The following TMCO4 variants were observed in gnomAD, a reference collection of about 807,000 sequenced individuals.
TMCO4 encodes the protein transmembrane and coiled-coil domains 4.
In TMCO4, 58 loss-of-function variants were observed where a neutral mutation model predicts 64.7. The ratio of observed to expected loss-of-function variants is 0.90; its 90% confidence interval spans 0.73 to 1.12. TMCO4 has a LOEUF of 1.12. Among genes scored for constraint, TMCO4 ranks in the 50% most tolerant of loss-of-function variants. The pLI is 0.00. For synonymous variants in TMCO4, 325 were observed against 346.1 expected (o/e 0.94, Z 0.68); for missense variants, 780 against 825.9 (o/e 0.94, Z 0.68).
chr1:19,774,994 G>A (rs2043146167), intron 4 of TMCO4, among the ~76,000 whole-genome samples: 1 of 152,270 alleles, frequency 6.6e-6, no homozygotes, highest in Middle Eastern at 3.4e-3. Context: ...CACTGAGCAA[G>A]GGCATCAAAC....
At chr1:19,693,491 A>G (rs1440987037) in intron 15 of TMCO4, among the ~76,000 whole-genome samples, 4 of 152,136 alleles carry the variant, frequency 2.6e-5, no homozygotes, top group African/African-American at 9.7e-5. Flanking sequence ...CAAAAACAAA[A>G]AGAAAAAGAA....
chr1:19,761,978 T>A (rs2042525655), intron 6 of TMCO4, among the ~76,000 whole-genome samples: 2 of 152,200 alleles, frequency 1.3e-5, no homozygotes, highest in South Asian at 4.1e-4. Flanking sequence ...TTGCTGATCC[T>A]CCCAATGGTC....
chr1:19,737,831 C>G, intron 12 of TMCO4, among the ~76,000 whole-genome samples: 1 of 152,356 alleles, frequency 6.6e-6, no homozygotes, highest in East Asian at 1.9e-4. Flanking sequence ...TGCAGTGCTG[C>G]GGGACCCCTT....
intron 2 of TMCO4, among the ~76,000 whole-genome samples, chr1:19,795,421 G>A (rs570718208): frequency 2.6e-5 from 4 of 152,212 alleles, no homozygotes; most frequent in Non-Finnish European, 4.4e-5. Context: ...GCAGTGAGCC[G>A]AGATTGCGCC....
At chr1:19,689,896 G>A (rs1274421464) in intron 15 of TMCO4, among the ~76,000 whole-genome samples, 1 of 152,244 alleles carries the variant, frequency 6.6e-6, no homozygotes, top group African/African-American at 2.4e-5. Flanking sequence ...CAAATGCCTA[G>A]GCAGACGGGG....
At chr1:19,788,902 C>T (rs2043880922) in intron 2 of TMCO4, among the ~76,000 whole-genome samples, 1 of 151,910 alleles carries the variant, frequency 6.6e-6, no homozygotes, top group Non-Finnish European at 1.5e-5. Context: ...GGTGAAACCC[C>T]GTCTCTACTA....
At chr1:19,772,842 A>G (rs1171176711) in intron 4 of TMCO4, among the ~76,000 whole-genome samples, 1 of 152,158 alleles carries the variant, frequency 6.6e-6, no homozygotes, top group African/African-American at 2.4e-5. Context: ...CAGCTATCAC[A>G]TTCCTTAGAG....
intron 15 of TMCO4, among the ~76,000 whole-genome samples, chr1:19,688,425 T>A (rs899821348): frequency 3.3e-5 from 5 of 152,166 alleles, no homozygotes; most frequent in African/African-American, 1.2e-4. Context: ...CCCACCTCCA[T>A]CTGCCCCAGT....
intron 13 of TMCO4, among the ~76,000 whole-genome samples, chr1:19,725,254 C>T (rs1021559244): frequency 6.6e-6 from 1 of 152,160 alleles, no homozygotes; most frequent in Non-Finnish European, 1.5e-5. Context: ...TGGCTCAGCT[C>T]AGCGTGTCTT....
intron 2 of TMCO4, among the ~76,000 whole-genome samples, chr1:19,789,612 C>G (rs2043925672): frequency 6.6e-6 from 1 of 151,950 alleles, no homozygotes; most frequent in Non-Finnish European, 1.5e-5. Flanking sequence ...AGAAAAAAAC[C>G]CTTTTAATTA....
intron 13 of TMCO4, among the ~76,000 whole-genome samples, chr1:19,703,510 T>C (rs1355107600): frequency 2.0e-5 from 3 of 150,290 alleles, no homozygotes; most frequent in Non-Finnish European, 4.4e-5. Context: ...TTCTTTCCTT[T>C]CTCCCTCCCT....
intron 13 of TMCO4, among the ~76,000 whole-genome samples, chr1:19,705,286 A>G (rs1008386477): frequency 6.6e-6 from 1 of 152,120 alleles, no homozygotes; most frequent in African/African-American, 2.4e-5. Flanking sequence ...ACCTGTCTCT[A>G]CTAAAAATAC....
intron 13 of TMCO4, 26 bp downstream of exon 13, chr1:19,737,346 C>T (rs757631856): frequency 1.9e-5 from 31 of 1,601,566 alleles, no homozygotes; most frequent in Non-Finnish European, 2.1e-5. Context: ...GAAGGGTTTC[C>T]GTCTGTGACA....
At chr1:19,731,147 G>A (rs1434343701) in intron 13 of TMCO4, among the ~76,000 whole-genome samples, 1 of 152,164 alleles carries the variant, frequency 6.6e-6, no homozygotes, top group African/African-American at 2.4e-5. Context: ...CAAGGACTTG[G>A]GAGGGGAATG....
In TMCO4 at chr1:19,745,620, A is replaced by G. The variant is rs773673291; in HGVS notation, c.789T>C (p.Ile263=). ...TCAGAGGCAGAAACGTGAACTCTTC[A>G]ATGGCTCCCACTCGCTTCTTCATCT... is the stretch of plus-strand genomic sequence containing the variant. The part of the protein sequence containing the change: ...GYKMKKRVGA[I]EEFTFLPLTE... The change falls in exon 10 of 16, where the codon ATT becomes ATC. Residue 263 remains isoleucine, a synonymous_variant. Coordinates refer to ENST00000294543, the MANE Select transcript of TMCO4 (RefSeq NM_181719.7). 2 of 1,613,642 alleles carry G rather than the reference A, an allele frequency of 1.2e-6. No individual in the cohort carries two copies. Among genetic ancestry groups the G allele is most frequent in the Non-Finnish European group, 1.7e-6 (2 of 1,179,732 alleles).
At chr1:19,710,801 G>A (rs1302357827) in intron 13 of TMCO4, among the ~76,000 whole-genome samples, 3 of 152,226 alleles carry the variant, frequency 2.0e-5, no homozygotes, top group Non-Finnish European at 2.9e-5. Flanking sequence ...TTCAGATTTT[G>A]TTGATTCAAG....
At chr1:19,742,180 T>C (rs2095482552) in intron 10 of TMCO4, among the ~76,000 whole-genome samples, 1 of 152,140 alleles carries the variant, frequency 6.6e-6, no homozygotes, top group East Asian at 1.9e-4. Context: ...CGGGGAAGCC[T>C]TCCCGGCTCC....
chr1:19,728,062 A>G (rs1343085261), intron 13 of TMCO4, among the ~76,000 whole-genome samples: 1 of 152,224 alleles, frequency 6.6e-6, no homozygotes, highest in Non-Finnish European at 1.5e-5. Flanking sequence ...TCGAAGGTGG[A>G]GGATGAGAGG....
intron 6 of TMCO4, among the ~76,000 whole-genome samples, chr1:19,760,023 C>T (rs944981043): frequency 2.6e-5 from 4 of 152,192 alleles, no homozygotes; most frequent in African/African-American, 7.2e-5. Flanking sequence ...TCCACTGAGA[C>T]TCCCTCTCCC....
Sources: allele counts gnomAD v4.1 joint callset (sites outside exome capture counted in the v4.1 genomes callset), GRCh38; gene constraint gnomAD v4.1.1; transcripts MANE v1.5; gene names NCBI Gene and HGNC (gene_info 2026-07-23, HGNC 2026-07-21).